The following GALNT13 variants were observed in gnomAD, a reference collection of about 807,000 sequenced individuals.
GALNT13 encodes the protein UDP-GalNAc:polypeptide N-acetylgalactosaminyltransferase 13.
A neutral mutation model predicts 64.2 loss-of-function variants in GALNT13; 28 were observed. The observed-to-expected ratio is 0.44, with a 90% CI of 0.32 to 0.60. The LOEUF (loss-of-function observed/expected upper bound fraction) is 0.60, where lower values mean the gene tolerates loss of function less well. GALNT13 is among the 20% of genes least tolerant of loss of function. GALNT13 has a pLI of 0.05. For synonymous variants in GALNT13, 214 were observed against 224.6 expected (o/e 0.95, Z 0.42); for missense variants, 577 against 669.8 (o/e 0.86, Z 1.53).
intron 2 of GALNT13, among the ~76,000 whole-genome samples, chr2:153,931,103 GTC>G (rs1491479595): frequency 2.2e-5 from 3 of 137,972 alleles, no homozygotes; most frequent in African/African-American, 5.2e-5. Flanking sequence ...GTGTGTGTGT[GTC>G]TATTGTGAAT....
At chr2:153,628,100 T>C in the GALNT13 span, among the ~76,000 whole-genome samples, 1 of 152,182 alleles carries the variant, frequency 6.6e-6, no homozygotes, top group Non-Finnish European at 1.5e-5. Flanking sequence ...TATTTTATTC[T>C]CTTTGAAGCA....
chr2:153,880,611 A>G (rs191237954), intron 1 of GALNT13, among the ~76,000 whole-genome samples: 27 of 152,258 alleles, frequency 1.8e-4, no homozygotes, highest in Non-Finnish European at 3.4e-4. Context: ...AAATTTCACC[A>G]GGATTCCTGA....
the GALNT13 span, among the ~76,000 whole-genome samples, chr2:153,175,025 AAAC>A: frequency 1.3e-5 from 2 of 152,290 alleles, no homozygotes; most frequent in Admixed American, 1.3e-4. Context: ...GTGTTTGATC[AAAC>A]AACTGGGCCT....
intron 1 of GALNT13, among the ~76,000 whole-genome samples, chr2:153,885,826 G>C (rs1188076340): frequency 6.6e-6 from 1 of 152,080 alleles, no homozygotes; most frequent in African/African-American, 2.4e-5. Flanking sequence ...AATAATTGCT[G>C]TAAAGATACT....
At chr2:154,245,682 A>G in intron 6 of GALNT13, 130 bp from the exon 7 acceptor site, 1 of 579,324 alleles carries the variant, frequency 1.7e-6, no homozygotes, top group South Asian at 2.6e-5. Context: ...AATAGGATAA[A>G]ATGAAGCTAA....
chr2:153,250,529 G>T, the GALNT13 span, among the ~76,000 whole-genome samples: 530 of 152,270 alleles, frequency 3.5e-3, 5 homozygotes, highest in African/African-American at 0.012. Context: ...TTCTGTTACT[G>T]GGTATATACC....
chr2:153,524,323 T>C, the GALNT13 span, among the ~76,000 whole-genome samples: 20 of 113,850 alleles, frequency 1.8e-4, no homozygotes, highest in South Asian at 5.2e-4. Flanking sequence ...TTCCTTCTCT[T>C]TTTTTTTTTT....
At chr2:153,834,524 T>C in the GALNT13 span, among the ~76,000 whole-genome samples, 1 of 152,240 alleles carries the variant, frequency 6.6e-6, no homozygotes, top group Non-Finnish European at 1.5e-5. Flanking sequence ...ATGCCAAGTG[T>C]TGTCAGCTCT....
chr2:154,425,888 T>A (rs1700447056), intron 11 of GALNT13, among the ~76,000 whole-genome samples: 1 of 152,210 alleles, frequency 6.6e-6, no homozygotes, highest in Non-Finnish European at 1.5e-5. Context: ...TGGGAGATGA[T>A]GTCTCACATG....
At chr2:154,107,146 G>A (rs570590114) in intron 3 of GALNT13, among the ~76,000 whole-genome samples, 4 of 152,134 alleles carry the variant, frequency 2.6e-5, no homozygotes, top group Non-Finnish European at 4.4e-5. Context: ...CATAAGCTGA[G>A]CAGATGGTAA....
rs190429361 is a variant in GALNT13 at position 154,309,063 on chromosome 2, G to A, written c.1156+7474G>A. Among the ~76,000 whole-genome samples the A allele has an allele frequency of 2.4e-4, 37 of 152,142 alleles. No individual in the cohort carries two copies. The East Asian group carries it at 5.8e-3, about 24-fold the overall frequency. On this transcript the variant is annotated intron_variant, in intron 9 of 12. Transcript: ENST00000392825. ...TGTTTGTTACTATGTCAAGTAGGAG[G>A]GACTATGAACACTTTTAAAATGTTG...
intron 7 of GALNT13, among the ~76,000 whole-genome samples, chr2:154,250,278 C>T (rs1446747122): frequency 6.6e-6 from 1 of 152,038 alleles, no homozygotes; most frequent in Non-Finnish European, 1.5e-5. Context: ...AATGAGCCAT[C>T]TCTTTTAGAA....
chr2:153,459,783 G>A, the GALNT13 span, among the ~76,000 whole-genome samples: 1 of 152,064 alleles, frequency 6.6e-6, no homozygotes, highest in Non-Finnish European at 1.5e-5. Context: ...ATATGTTTGG[G>A]TCAAATTAAA....
At chr2:153,322,446 G>A in the GALNT13 span, among the ~76,000 whole-genome samples, 22 of 151,798 alleles carry the variant, frequency 1.4e-4, no homozygotes, top group Admixed American at 1.2e-3. Context: ...CATGTCTTTC[G>A]TTATTGTGAA....
chr2:153,951,932 T>C (rs1692214794), intron 3 of GALNT13, among the ~76,000 whole-genome samples: 1 of 152,176 alleles, frequency 6.6e-6, no homozygotes, highest in African/African-American at 2.4e-5. Flanking sequence ...TCAGTGACTT[T>C]ATGGGAGCAT....
intron 11 of GALNT13, among the ~76,000 whole-genome samples, chr2:154,413,231 C>T (rs1266506101): frequency 6.6e-6 from 1 of 151,864 alleles, no homozygotes; most frequent in African/African-American, 2.4e-5. Flanking sequence ...GAACTCATTT[C>T]CTTTCCTTTC....
At chr2:154,380,669 A>G (rs1453263220) in intron 9 of GALNT13, among the ~76,000 whole-genome samples, 1 of 151,982 alleles carries the variant, frequency 6.6e-6, no homozygotes, top group Non-Finnish European at 1.5e-5. Flanking sequence ...ATGTACAAAT[A>G]TGTGTACTAA....
intron 3 of GALNT13, among the ~76,000 whole-genome samples, chr2:154,026,037 G>T (rs1250170137): frequency 6.6e-6 from 1 of 152,098 alleles, no homozygotes; most frequent in African/African-American, 2.4e-5. Context: ...AAATGTGCAT[G>T]GTGTTGGGGG....
chr2:154,332,676 G>T (rs1420648292), intron 9 of GALNT13, among the ~76,000 whole-genome samples: 1 of 151,974 alleles, frequency 6.6e-6, no homozygotes, highest in African/African-American at 2.4e-5. Context: ...TGAGCTGGTT[G>T]CCCTGTTTAC....
Sources: allele counts gnomAD v4.1 joint callset (sites outside exome capture counted in the v4.1 genomes callset), GRCh38; gene constraint gnomAD v4.1.1; transcripts MANE v1.5; gene names NCBI Gene and HGNC (gene_info 2026-07-23, HGNC 2026-07-21).